TMEM119: variants seen among roughly 807,000 people sequenced by gnomAD.
The protein encoded by TMEM119 is osteoblast induction factor.
For missense variants in TMEM119, 410 were observed against 381.0 expected, an observed-to-expected ratio of 1.08 and a Z score of -0.63; for synonymous variants, 182 against 176.4, an observed-to-expected ratio of 1.03 and a Z score of -0.25.
At chr12:108,597,690 G>T (rs2031527871) in intron 1 of TMEM119, among the ~76,000 whole-genome samples, 1 of 151,896 alleles carries the variant, frequency 6.6e-6, no homozygotes, top group Non-Finnish European at 1.5e-5. Context: ...ACAGATCCTG[G>T]AAGCAACAGC....
chr12:108,593,428 A>G (rs1329922952), intron 1 of TMEM119, among the ~76,000 whole-genome samples: 1 of 151,998 alleles, frequency 6.6e-6, no homozygotes, highest in Admixed American at 6.5e-5. Flanking sequence ...CCTAGGTGAC[A>G]GAGCGAGAAC....
chr12:108,592,143 T>TG lies in TMEM119; in HGVS notation c.240dup (p.Thr81HisfsTer62). The stretch of plus-strand genomic sequence containing the variant: ...TCCACTATCCCATCCAGGAAGTTGG[T>TG]GGGGGGTGATGGGCCCCCCAGGGTT... On this transcript the variant is annotated frameshift_variant, in exon 2 of 2. Coordinates refer to ENST00000392806, the MANE Select transcript of TMEM119 (RefSeq NM_181724.3). LOFTEE classifies it low-confidence loss of function (END_TRUNC). This position sits in a 1 kb window ranked among gnomAD's most constrained non-coding sequence, Gnocchi z 4.3. The TG allele has an allele frequency of 6.2e-7, 1 of 1,613,850 alleles. No homozygotes were observed. Among genetic ancestry groups the TG allele is most frequent in the Non-Finnish European group, 8.5e-7 (1 of 1,179,916 alleles).
At chr12:108,593,147 A>C (rs538587764) in intron 1 of TMEM119, among the ~76,000 whole-genome samples, 3 of 152,172 alleles carry the variant, frequency 2.0e-5, no homozygotes, top group Non-Finnish European at 4.4e-5. Context: ...CTTATTCTGC[A>C]AAAGATTCCT....
At chr12:108,594,796 T>C (rs1441606489) in intron 1 of TMEM119, among the ~76,000 whole-genome samples, 6 of 151,774 alleles carry the variant, frequency 4.0e-5, no homozygotes, top group African/African-American at 1.5e-4. Context: ...CCAGGCCTGG[T>C]GGTGTATGCC....
At position 108,592,038 on chromosome 12, in the gene TMEM119, C is replaced by T. The variant is rs745715025; in HGVS notation, c.346G>A (p.Val116Ile). Residue 116 changes from valine to isoleucine, a missense_variant, in exon 2 of 2, where the codon GTC becomes ATC. Coordinates refer to ENST00000392806, the MANE Select transcript of TMEM119 (RefSeq NM_181724.3). The surrounding 1 kb of genome is among the most constrained non-coding windows in gnomAD (Gnocchi z 4.3). ...GCCTTCTGCTTCTGCCGGGTGATGA[C>T]CGCGGCACAGACGATGAACATCAGC... ...FLLMFIVCAA[V>I]ITRQKQKASA... The T allele has an allele frequency of 2.5e-6, 4 of 1,614,162 alleles. No homozygotes were observed. Among genetic ancestry groups the T allele is most frequent in the Non-Finnish European group, 2.5e-6 (3 of 1,180,016 alleles).
At position 108,590,251 on chromosome 12, in the gene TMEM119, G is replaced by A. The variant is rs145521666; in HGVS notation, c.*1281C>T. On this transcript the variant is annotated 3_prime_UTR_variant, in exon 2 of 2. Coordinates refer to ENST00000392806, the MANE Select transcript of TMEM119 (RefSeq NM_181724.3). Reference sequence around the variant, plus strand: ...ATGAGAAACTCACCCCCAGGCCGGGGGTGCTTGGAGAGCGCTTGAGAGGAT... The same window carrying A: ...ATGAGAAACTCACCCCCAGGCCGGGAGTGCTTGGAGAGCGCTTGAGAGGAT... The A allele has an allele frequency of 6.6e-6, 1 of 152,206 alleles. No individual in the cohort carries two copies. Among genetic ancestry groups the A allele is most frequent in the Non-Finnish European group, 1.5e-5 (1 of 68,020 alleles). The allele number at this position is 152,206 out of a possible 1,614,324, so 9.4% of individuals were successfully genotyped here. A position where few individuals can be genotyped will look rare whatever the true frequency, so the allele number is the denominator to read the frequency against.
chr12:108,593,391 C>A (rs1173308169), intron 1 of TMEM119, among the ~76,000 whole-genome samples: 1 of 152,010 alleles, frequency 6.6e-6, no homozygotes, highest in Non-Finnish European at 1.5e-5. Context: ...TTGCAGTGAG[C>A]CGAGATCGCG....
chr12:108,591,554 C>A lies in TMEM119; in HGVS notation c.830G>T (p.Ser277Ile). ...VGPPESPCAC[S>I]SVHPSV ...CTGTTAGACACTGGGGTGGACACTG[C>A]TGCAAGCACAGGGGCTTTCGGGGGG... Residue 277 changes from serine (S) to isoleucine (I), a missense_variant, in exon 2 of 2, where the codon AGC becomes ATC. Transcript: ENST00000392806. The surrounding 1 kb of genome is among the most constrained non-coding windows in gnomAD (Gnocchi z 4.2). 1 of 1,609,492 alleles carries A rather than the reference C, an allele frequency of 6.2e-7. No individual in the cohort carries two copies. Among genetic ancestry groups the A allele is most frequent in the Non-Finnish European group, 8.5e-7 (1 of 1,177,732 alleles).
chr12:108,591,661 C>T lies in TMEM119; in HGVS notation c.723G>A (p.Glu241=). 6.2e-7 allele frequency: 1 copy of T among 1,614,032 alleles called. No homozygotes were observed. Among genetic ancestry groups the T allele is most frequent in the Non-Finnish European group, 8.5e-7 (1 of 1,179,998 alleles). ...GGCCCTCACCGGCCACCACAGCCCC[C>T]TCAAGGACCCCTGAGCACGGCTCCT... The part of the protein sequence containing the change: ...AQEEPCSGVL[E]GAVVAGEGQG... Residue 241 remains glutamate (E), a synonymous_variant, in exon 2 of 2, where the codon GAG becomes GAA. Transcript: ENST00000392806. This position sits in a 1 kb window ranked among gnomAD's most constrained non-coding sequence, Gnocchi z 4.2.
At position 108,591,811 on chromosome 12, in the gene TMEM119, C is replaced by T. The variant is rs2031406035; in HGVS notation, c.573G>A (p.Leu191=). ...QNLKSPTRAA[L]GGGDGARMVE... ...CCATCCTGGCTCCGTCCCCACCGCC[C>T]AGTGCAGCCCTGGTGGGGGACTTGA... The change falls in exon 2 of 2, where the codon CTG becomes CTA. Residue 191 remains leucine (L), a synonymous_variant. Coordinates refer to ENST00000392806, the MANE Select transcript of TMEM119 (RefSeq NM_181724.3). The surrounding 1 kb of genome is among the most constrained non-coding windows in gnomAD (Gnocchi z 4.2). 2 of 1,594,494 alleles carry T rather than the reference C, an allele frequency of 1.3e-6. No individual in the cohort carries two copies. The highest frequency in any genetic ancestry group is 2.7e-5 in the African/African-American group (2 of 74,390).
In TMEM119 at chr12:108,591,573, C is replaced by T. The variant is rs373079326; in HGVS notation, c.811G>A (p.Glu271Lys). 13 of 1,612,054 alleles carry T rather than the reference C, an allele frequency of 8.1e-6. No homozygotes were observed. The highest frequency in any genetic ancestry group is 3.3e-5 in the Admixed American group (2 of 59,720). Residue 271 changes from glutamate to lysine, a missense_variant, in exon 2 of 2, where the codon GAA becomes AAA. Transcript: ENST00000392806. This position sits in a 1 kb window ranked among gnomAD's most constrained non-coding sequence, Gnocchi z 4.2. ...QEAQGPVGPP[E>K]SPCACSSVHP... is the part of the protein sequence containing the mutation. ...ACACTGCTGCAAGCACAGGGGCTTTCGGGGGGACCCACTGGTCCCTGGGCT... is the reference window on the plus strand; with the variant it reads ...ACACTGCTGCAAGCACAGGGGCTTTTGGGGGGACCCACTGGTCCCTGGGCT...
chr12:108,595,356 A>G (rs1048924955), intron 1 of TMEM119, among the ~76,000 whole-genome samples: 2 of 93,490 alleles, frequency 2.1e-5, no homozygotes, highest in African/African-American at 6.0e-5. Flanking sequence ...AGACTACACA[A>G]TCATACACAC....
rs2136739156 is a variant in TMEM119 at position 108,591,640 on chromosome 12, C to T, written c.744G>A (p.Glu248=). 1.2e-6 allele frequency: 2 copies of T among 1,614,020 alleles called. No individual in the cohort carries two copies. The highest frequency in any genetic ancestry group is 1.1e-5 in the South Asian group (1 of 91,082). The change falls in exon 2 of 2, where the codon GAG becomes GAA. Residue 248 remains glutamate, a synonymous_variant. Coordinates refer to ENST00000392806, the MANE Select transcript of TMEM119 (RefSeq NM_181724.3). This position sits in a 1 kb window ranked among gnomAD's most constrained non-coding sequence, Gnocchi z 4.2. ...GAGACCCTTCCAGCTCCCCTTGGCC[C>T]TCACCGGCCACCACAGCCCCCTCAA... ...GVLEGAVVAG[E]GQGELEGSLL...
At chr12:108,593,452 A>G (rs1451650286) in intron 1 of TMEM119, among the ~76,000 whole-genome samples, 1 of 145,888 alleles carries the variant, frequency 6.9e-6, no homozygotes, top group Admixed American at 6.8e-5. Flanking sequence ...TCTCAAGAAG[A>G]AAAAAAAAAA....
At chr12:108,597,739 C>A (rs2031528549) in intron 1 of TMEM119, among the ~76,000 whole-genome samples, 1 of 152,050 alleles carries the variant, frequency 6.6e-6, no homozygotes, top group Non-Finnish European at 1.5e-5. Context: ...CAACACACCC[C>A]CTACACCAAG....
intron 1 of TMEM119, among the ~76,000 whole-genome samples, chr12:108,597,389 G>A (rs2031520596): frequency 6.6e-6 from 1 of 151,986 alleles, no homozygotes. Context: ...CCCAGGGCCA[G>A]CCAAGGACAG....
Position 108,592,002 on chromosome 12 carries a change from A to G in TMEM119, c.382T>C (p.Tyr128His), listed in dbSNP as rs199758018. Residue 128 changes from tyrosine to histidine, a missense_variant, in exon 2 of 2, where the codon TAC becomes CAC. Physicochemically the swap from Tyr to His is moderately conservative, Grantham distance 83 (BLOSUM62 2). Coordinates refer to ENST00000392806, the MANE Select transcript of TMEM119 (RefSeq NM_181724.3). The surrounding 1 kb of genome is among the most constrained non-coding windows in gnomAD (Gnocchi z 4.3). ...TRQKQKASAY[Y>H]PSSFPKKKYV... ...TTCTTCTTGGGGAAGGACGATGGGT[A>G]ATAGGCCGAGGCCTTCTGCTTCTGC... 1.5e-5 allele frequency: 25 copies of G among 1,613,828 alleles called. No individual in the cohort carries two copies. In the East Asian group the frequency reaches 5.6e-4, roughly 36 times the overall value.
chr12:108,593,401 G>A (rs1274218796), intron 1 of TMEM119, among the ~76,000 whole-genome samples: 2 of 151,744 alleles, frequency 1.3e-5, no homozygotes, highest in South Asian at 2.1e-4. Flanking sequence ...CCGAGATCGC[G>A]CCACTGCACA....
At chr12:108,593,429 G>C (rs942752784) in intron 1 of TMEM119, among the ~76,000 whole-genome samples, 8 of 151,934 alleles carry the variant, frequency 5.3e-5, no homozygotes, top group Admixed American at 5.2e-4. Flanking sequence ...CTAGGTGACA[G>C]AGCGAGAACC....
Sources: gnomAD v4.1 joint callset for allele counts (sites outside exome capture counted in the v4.1 genomes callset) on GRCh38, gnomAD v4.1.1 for gene constraint, Gnocchi (gnomAD v3.1) non-coding constraint, MANE v1.5 for transcripts, NCBI Gene and HGNC (gene_info 2026-07-23, HGNC 2026-07-21) for gene names.